NUDT22: variants seen among roughly 807,000 people sequenced by gnomAD.
NUDT22 encodes the protein uridine diphosphate glucose pyrophosphatase NUDT22.
In NUDT22, 23 loss-of-function variants were observed where a neutral mutation model predicts 28.8. The observed-to-expected ratio is 0.80, with a 90% CI of 0.58 to 1.13. The LOEUF (loss-of-function observed/expected upper bound fraction) is 1.13. Among genes scored for constraint, NUDT22 ranks in the 50% most tolerant of loss-of-function variants. NUDT22 has a pLI of 0.00. For synonymous variants in NUDT22, 175 were observed against 173.7 expected (o/e 1.01, Z -0.06); for missense variants, 358 against 387.3 (o/e 0.92, Z 0.64).
rs1053161963 is a variant in NUDT22, at chr11:64,228,933, C to T, written c.580-314C>T. The T allele has an allele frequency of 2.6e-5, 7 of 269,320 alleles. No individual in the cohort carries two copies. The Admixed American group carries it at 3.5e-4, about 13-fold the overall frequency. The allele number at this position is 269,320 out of a possible 1,614,324, so 16.7% of individuals were successfully genotyped here. On this transcript the variant is annotated intron_variant, in intron 3 of 5. Coordinates refer to ENST00000279206, the MANE Select transcript of NUDT22 (RefSeq NM_032344.4). ...GTTGCAGTGAGCTGAGATCGTGCCA[C>T]TGTACTCCAGCCTGGGCGACAGAGC...
At chr11:64,227,774 C>T (rs951300107) in intron 3 of NUDT22, 108 bp downstream of exon 3, 3 of 820,624 alleles carry the variant, frequency 3.7e-6, no homozygotes, top group Middle Eastern at 4.7e-4. Flanking sequence ...ATCTGGCCAG[C>T]AATGAGGGAA....
intron 3 of NUDT22, among the ~76,000 whole-genome samples, chr11:64,228,145 A>G (rs532671863): frequency 1.7e-4 from 24 of 145,204 alleles, no homozygotes; most frequent in Non-Finnish European, 2.7e-4. Flanking sequence ...TGCTGGGATT[A>G]CAGGTGTGAG....
At chr11:64,229,724 T>C (rs1947140050) in intron 5 of NUDT22, 126 bp from the exon 6 acceptor site, 4 of 1,387,140 alleles carry the variant, frequency 2.9e-6, no homozygotes, top group Non-Finnish European at 4.0e-6. Context: ...TCCAGGGACA[T>C]GTTCAGCCCC....
Position 64,229,516 on chromosome 11 carries a change from T to G in NUDT22, c.716T>G (p.Leu239Arg), listed in dbSNP as rs940099929. 14 of 1,614,050 alleles carry G rather than the reference T, an allele frequency of 8.7e-6. No homozygotes were observed. Among genetic ancestry groups the G allele is most frequent in the Non-Finnish European group, 1.2e-5 (14 of 1,180,016 alleles). Residue 239 changes from leucine to arginine, a missense_variant, in exon 5 of 6, where the codon CTG becomes CGG. Coordinates refer to ENST00000279206, the MANE Select transcript of NUDT22 (RefSeq NM_032344.4). ...TCTGAGCAGGTGAGGAAGCACTACCTGAGTGGGGGACCCGAGGCCCACGAG... is the reference window on the plus strand; with the variant it reads ...TCTGAGCAGGTGAGGAAGCACTACCGGAGTGGGGGACCCGAGGCCCACGAG... ...LTSEQVRKHYLSGGPEAHEST... is the reference protein window; with the variant it reads ...LTSEQVRKHYRSGGPEAHEST...
rs754058784 is a variant in NUDT22 at position 64,229,987 on chromosome 11, C to G, written c.909C>G (p.Leu303=). ...ALGSPALLPP[L] is the part of the protein sequence containing the mutation. Reference sequence around the variant, plus strand: ...GGTCCCCAGCCCTACTCCCGCCGCTCTGAAAATAATAAACGACTTTATTCT... The same window carrying G: ...GGTCCCCAGCCCTACTCCCGCCGCTGTGAAAATAATAAACGACTTTATTCT... The change falls in exon 6 of 6, where the codon CTC becomes CTG. Residue 303 remains leucine, a synonymous_variant. Coordinates refer to ENST00000279206, the MANE Select transcript of NUDT22 (RefSeq NM_032344.4). 1 of 1,604,210 alleles carries G rather than the reference C, an allele frequency of 6.2e-7. No individual in the cohort carries two copies. Among genetic ancestry groups the G allele is most frequent in the Non-Finnish European group, 8.5e-7 (1 of 1,175,200 alleles).
At position 64,229,832 on chromosome 11, in the gene NUDT22, C is replaced by T. The variant is rs201789595; in HGVS notation, c.772-18C>T. ...AAGTGGCAAGCTTGAATGCCTGGGT[C>T]TCGTTGTCTCCCCACAGAACGTGCA... On this transcript the variant is annotated intron_variant, in intron 5 of 5. Transcript: ENST00000279206. 2 of 1,612,916 alleles carry T rather than the reference C, an allele frequency of 1.2e-6. No homozygotes were observed. The highest frequency in any genetic ancestry group is 2.2e-5 in the East Asian group (1 of 44,876).
intron 1 of NUDT22, 33 bp from the exon 2 acceptor site, chr11:64,226,602 C>G: frequency 6.6e-7 from 1 of 1,524,432 alleles, no homozygotes; most frequent in Non-Finnish European, 8.8e-7. Flanking sequence ...AGTGGCCCCC[C>G]TGGATGACAG....
In NUDT22 at chr11:64,226,674, C is replaced by T; in HGVS notation, c.22C>T (p.Leu8=). 6.2e-7 allele frequency: 1 copy of T among 1,603,272 alleles called. No homozygotes were observed. Among genetic ancestry groups the T allele is most frequent in the Non-Finnish European group, 8.5e-7 (1 of 1,175,366 alleles). Reference sequence around the variant, plus strand: ...GACCATGGATCCTGAGGTGACCTTGCTGCTGCAGTGCCCTGGCGGGGGCCT... The same window carrying T: ...GACCATGGATCCTGAGGTGACCTTGTTGCTGCAGTGCCCTGGCGGGGGCCT... MDPEVTL[L]LQCPGGGLPQ... is the part of the protein sequence containing the mutation. Residue 8 remains leucine, a synonymous_variant, in exon 2 of 6, where the codon CTG becomes TTG. Coordinates refer to ENST00000279206, the MANE Select transcript of NUDT22 (RefSeq NM_032344.4).
chr11:64,227,616 C>G lies in NUDT22; in HGVS notation c.529C>G (p.Leu177Val), dbSNP rs1476517833. 2 of 1,614,102 alleles carry G rather than the reference C, an allele frequency of 1.2e-6. No individual in the cohort carries two copies. The highest frequency in any genetic ancestry group is 1.7e-6 in the Non-Finnish European group (2 of 1,180,010). ...CCAGCACCAGGACCTCGCTGGGCAGCTGGTGGTACATGAACTCTTTTCCAG... is the reference window on the plus strand; with the variant it reads ...CCAGCACCAGGACCTCGCTGGGCAGGTGGTGGTACATGAACTCTTTTCCAG... ...SPQHQDLAGQ[L>V]VVHELFSSVL... The change falls in exon 3 of 6, where the codon CTG becomes GTG. Residue 177 changes from leucine to valine, a missense_variant. Transcript: ENST00000279206.
rs746646632 is a variant in NUDT22, at chr11:64,227,607, G to A, written c.520G>A (p.Ala174Thr). 25 of 1,613,888 alleles carry A rather than the reference G, an allele frequency of 1.5e-5. No homozygotes were observed. Among genetic ancestry groups the A allele is most frequent in the South Asian group, 1.4e-4 (13 of 91,090 alleles). ...TGGCAGCCCCCAGCACCAGGACCTC[G>A]CTGGGCAGCTGGTGGTACATGAACT... ...PGGSPQHQDL[A>T]GQLVVHELFS... Residue 174 changes from alanine to threonine, a missense_variant, in exon 3 of 6, where the codon GCT (alanine) becomes ACT (threonine). Ala to Thr is a moderately conservative substitution (Grantham distance 58). Coordinates refer to ENST00000279206, the MANE Select transcript of NUDT22 (RefSeq NM_032344.4).
At chr11:64,228,429 CTGAGGTGGGCAGATCA>C (rs1947106930) in intron 3 of NUDT22, 1 of 151,994 alleles carries the variant, frequency 6.6e-6, no homozygotes, top group African/African-American at 2.4e-5. Flanking sequence ...CTTTGGGAGG[CTGAGGTGGGCAGATCA>C]CAAGGTCAGG....
chr11:64,226,406 C>T lies in NUDT22; in HGVS notation c.-40C>T. 1.5e-6 allele frequency: 2 copies of T among 1,321,342 alleles called. No homozygotes were observed. The highest frequency in any genetic ancestry group is 1.5e-5 in the African/African-American group (1 of 66,086). The allele number at this position is 1,321,342 out of a possible 1,614,324, so 81.9% of individuals were successfully genotyped here. On this transcript the variant is annotated 5_prime_UTR_variant, in exon 1 of 6. Coordinates refer to ENST00000279206, the MANE Select transcript of NUDT22 (RefSeq NM_032344.4). ...TGGGGGACATGGGCATTTGGGGCGCCTGAACCCAAGACCTCTGGATGGTAG... is the reference window on the plus strand; with the variant it reads ...TGGGGGACATGGGCATTTGGGGCGCTTGAACCCAAGACCTCTGGATGGTAG...
chr11:64,228,355 C>T (rs949651776), intron 3 of NUDT22, among the ~76,000 whole-genome samples: 1 of 151,904 alleles, frequency 6.6e-6, no homozygotes, highest in African/African-American at 2.4e-5. Flanking sequence ...CTTGCCTACT[C>T]CCCAAGTCTG....
At chr11:64,229,770 T>A in intron 5 of NUDT22, 80 bp from the exon 6 acceptor site, 1 of 1,581,260 alleles carries the variant, frequency 6.3e-7, no homozygotes, top group Non-Finnish European at 8.7e-7. Context: ...CAGAGGTCTC[T>A]GAGGCTCAGG....
downstream of NUDT22, chr11:64,230,078 A>C: frequency 9.1e-7 from 1 of 1,097,514 alleles, no homozygotes; most frequent in Non-Finnish European, 1.3e-6. Context: ...TGTGTAAGGC[A>C]GGACAAGTGA....
chr11:64,226,805 C>G lies in NUDT22; in HGVS notation c.153C>G (p.Ala51=). The G allele has an allele frequency of 6.2e-7, 1 of 1,610,274 alleles. No individual in the cohort carries two copies. Among genetic ancestry groups the G allele is most frequent in the Non-Finnish European group, 8.5e-7 (1 of 1,179,940 alleles). The change falls in exon 2 of 6, where the codon GCC becomes GCG. Residue 51 remains alanine (A), a synonymous_variant. Transcript: ENST00000279206. The part of the protein sequence containing the change: ...ITAIWETRLK[A]QPWLFDAPKF... ...CCATCTGGGAGACCCGGCTAAAGGC[C>G]CAACCCTGGCTCTTCGACGCCCCCA...
Position 64,227,075 on chromosome 11 carries a change from G to A in NUDT22, c.423G>A (p.Arg141=). The change falls in exon 2 of 6, where the codon CGG becomes CGA. Residue 141 remains arginine (R), a synonymous_variant. Transcript: ENST00000279206. ...TCCTTGTCTTCCTGCGCCGCTCCCG[G>A]CAGGTGGCTGAGGCCCCTGGGCTGG... ...DDFLVFLRRS[R]QVAEAPGLVD... is the part of the protein sequence containing the mutation. 1.2e-6 allele frequency: 2 copies of A among 1,600,060 alleles called. No individual in the cohort carries two copies. Among genetic ancestry groups the A allele is most frequent in the East Asian group, 2.2e-5 (1 of 44,540 alleles).
At position 64,228,076 on chromosome 11, in the gene NUDT22, T is replaced by G. The variant is rs200807289; in HGVS notation, c.579+410T>G. Among the ~76,000 whole-genome samples, 4 of 152,020 alleles carry G rather than the reference T, an allele frequency of 2.6e-5. No homozygotes were observed. In the East Asian group the frequency reaches 7.8e-4, roughly 30 times the overall value. ...TTAGTAGAGATGGGGTTTCACCTTG[T>G]TAGCCAGGATGGTCTTGATCTCCTG... On this transcript the variant is annotated intron_variant, in intron 3 of 5. Transcript: ENST00000279206.
chr11:64,227,153 C>G lies in NUDT22; in HGVS notation c.480+21C>G, dbSNP rs199598645. 1.1e-4 allele frequency: 167 copies of G among 1,572,208 alleles called. No homozygotes were observed. The East Asian group carries it at 3.7e-3, about 35-fold the overall frequency. ...CTCAGGTGAGATTCCAGGCTGGGCA[C>G]AAAGACCCAGACAGCTCAAGGGAGC... On this transcript the variant is annotated intron_variant, in intron 2 of 5. Coordinates refer to ENST00000279206, the MANE Select transcript of NUDT22 (RefSeq NM_032344.4).
Sources: gnomAD v4.1 joint callset for allele counts (sites outside exome capture counted in the v4.1 genomes callset) on GRCh38, gnomAD v4.1.1 for gene constraint, MANE v1.5 for transcripts, NCBI Gene and HGNC (gene_info 2026-07-23, HGNC 2026-07-21) for gene names.